The following LYRM1 variants were observed in gnomAD, a reference collection of about 807,000 sequenced individuals.
LYRM1 encodes the protein LYR motif-containing protein 1.
In LYRM1, 14 loss-of-function variants were observed where a neutral mutation model predicts 14.9. That is an observed-to-expected ratio of 0.94 (90% CI 0.62 to 1.47). LYRM1 has a LOEUF of 1.47. LYRM1 is among the 40% of genes most tolerant of loss of function. The probability of loss-of-function intolerance (pLI) is 0.00; values close to 1 mark genes in which losing one functional copy is unlikely to be tolerated. For missense variants in LYRM1, 153 were observed against 149.9 expected, an observed-to-expected ratio of 1.02 and a Z score of -0.11; for synonymous variants, 43 against 56.2, an observed-to-expected ratio of 0.77 and a Z score of 1.05.
chr16:20,907,888 C>T (rs879585851), intron 1 of LYRM1, among the ~76,000 whole-genome samples: 3 of 152,150 alleles, frequency 2.0e-5, no homozygotes, highest in Non-Finnish European at 4.4e-5. Context: ...TGTTCTTGTA[C>T]ATCATCTGCC....
chr16:20,915,723 G>A lies in LYRM1; in HGVS notation c.159+9G>A, dbSNP rs765242553. On this transcript the variant is annotated intron_variant, in intron 2 of 3. Coordinates refer to ENST00000567954, the MANE Select transcript of LYRM1 (RefSeq NM_001128302.3). ...TCCGGAAAAACAAAAATGTAAGTAG[G>A]CCCCACTTGGAGATTGTGCAGAGGA... The A allele has an allele frequency of 2.5e-6, 4 of 1,613,008 alleles. No homozygotes were observed. Among genetic ancestry groups the A allele is most frequent in the African/African-American group, 1.3e-5 (1 of 74,846 alleles).
intron 1 of LYRM1, among the ~76,000 whole-genome samples, chr16:20,914,311 C>A (rs1184239379): frequency 3.1e-4 from 39 of 124,728 alleles, no homozygotes; most frequent in African/African-American, 1.2e-3. Context: ...TTTTTGGAGA[C>A]GGAGTTTCAC....
At position 20,915,679 on chromosome 16, in the gene LYRM1, A is replaced by C; in HGVS notation, c.124A>C (p.Asn42His). ...CATCAAAGAAAAACAGTACATACTA[A>C]ATGAAGCCAGAACGCTGTTCCGGAA... ...DTIKEKQYIL[N>H]EARTLFRKNK... The change falls in exon 2 of 4, where the codon AAT becomes CAT. Residue 42 changes from asparagine to histidine, a missense_variant. Coordinates refer to ENST00000567954, the MANE Select transcript of LYRM1 (RefSeq NM_001128302.3). 6.2e-7 allele frequency: 1 copy of C among 1,614,150 alleles called. No homozygotes were observed. Among genetic ancestry groups the C allele is most frequent in the Non-Finnish European group, 8.5e-7 (1 of 1,179,992 alleles).
chr16:20,922,854 C>T (rs563689218), intron 3 of LYRM1, among the ~76,000 whole-genome samples: 12 of 152,136 alleles, frequency 7.9e-5, no homozygotes, highest in Admixed American at 4.6e-4. Context: ...TAGGATTTGC[C>T]GTCTGCAAGC....
intron 1 of LYRM1, among the ~76,000 whole-genome samples, chr16:20,902,254 C>T (rs79159478): frequency 0.02 from 3,103 of 152,196 alleles, 111 homozygotes; most frequent in African/African-American, 0.071. Flanking sequence ...TAACTCCCTA[C>T]GGGAAAACAG....
At chr16:20,906,279 G>C (rs951933536) in intron 1 of LYRM1, among the ~76,000 whole-genome samples, 1 of 152,216 alleles carries the variant, frequency 6.6e-6, no homozygotes, top group African/African-American at 2.4e-5. Context: ...GGTGGAAGCA[G>C]CAAATAGGCA....
At chr16:20,913,910 AC>A (rs1490900243) in intron 1 of LYRM1, among the ~76,000 whole-genome samples, 5 of 151,460 alleles carry the variant, frequency 3.3e-5, no homozygotes, top group African/African-American at 1.2e-4. Context: ...CCGGGTTCAT[AC>A]CATTCTCCTG....
chr16:20,920,656 G>T, intron 3 of LYRM1: 1 of 168,208 alleles, frequency 5.9e-6, no homozygotes, highest in Non-Finnish European at 1.3e-5. Flanking sequence ...GGGAGGCCAA[G>T]GCAGGAGGAT....
intron 1 of LYRM1, among the ~76,000 whole-genome samples, chr16:20,907,218 C>G (rs1567445591): frequency 6.6e-6 from 1 of 152,288 alleles, no homozygotes; most frequent in South Asian, 2.1e-4. Flanking sequence ...CCGTGTTACT[C>G]CAGCTTGCAT....
intron 3 of LYRM1, among the ~76,000 whole-genome samples, chr16:20,920,857 C>T (rs1376529509): frequency 6.6e-6 from 1 of 151,870 alleles, no homozygotes; most frequent in African/African-American, 2.4e-5. Flanking sequence ...CACTGCGCTC[C>T]AGCCTGGGTG....
At chr16:20,910,191 C>T (rs1326479846) in intron 1 of LYRM1, among the ~76,000 whole-genome samples, 1 of 152,138 alleles carries the variant, frequency 6.6e-6, no homozygotes, top group African/African-American at 2.4e-5. Flanking sequence ...AACATGGTTC[C>T]CTCAAAGACC....
chr16:20,905,957 C>T (rs2082299157), intron 1 of LYRM1, among the ~76,000 whole-genome samples: 2 of 152,310 alleles, frequency 1.3e-5, no homozygotes, highest in African/African-American at 4.8e-5. Context: ...AGGATGAGAA[C>T]ATACGTTATC....
Position 20,924,250 on chromosome 16 carries a change from G to A in LYRM1, c.*134G>A. On this transcript the variant is annotated 3_prime_UTR_variant, in exon 4 of 4. Transcript: ENST00000567954. The stretch of plus-strand genomic sequence containing the variant: ...AACCTCCACAATTGATTCTCCCCCT[G>A]TGATGTAAACTTAGATATCCCTAGA... 1 of 605,780 alleles carries A rather than the reference G, an allele frequency of 1.7e-6. No homozygotes were observed. Among genetic ancestry groups the A allele is most frequent in the Non-Finnish European group, 3.0e-6 (1 of 336,838 alleles). 37.5% of individuals were successfully genotyped at this position (605,780 alleles called of 1,614,324 possible). A position where few individuals can be genotyped will look rare whatever the true frequency, so the allele number is the denominator to read the frequency against.
chr16:20,920,473 TTTTCAC>T (rs1401097325), intron 3 of LYRM1: 3 of 413,758 alleles, frequency 7.3e-6, no homozygotes, highest in East Asian at 4.0e-5. Flanking sequence ...GCTTTTTCTC[TTTTCAC>T]TTTCATCTTT....
In LYRM1 at chr16:20,924,987, TAAAGAC is replaced by T. The variant is rs1019418587; in HGVS notation, c.*876_*881del. 6.6e-6 allele frequency: 1 copy of T among 152,124 alleles called. No individual in the cohort carries two copies. Among genetic ancestry groups the T allele is most frequent in the East Asian group, 1.9e-4 (1 of 5,196 alleles). 9.4% of individuals were successfully genotyped at this position (152,124 alleles called of 1,614,324 possible). ...CTCTGAAGAAGATGGGCATCAGAAA[TAAAGAC>T]AAAGCACTATCAATTTTTGTCTGTC... On this transcript the variant is annotated 3_prime_UTR_variant, in exon 4 of 4. Transcript: ENST00000567954.
intron 1 of LYRM1, among the ~76,000 whole-genome samples, chr16:20,903,304 A>G (rs2082157729): frequency 6.6e-6 from 1 of 152,202 alleles, no homozygotes; most frequent in African/African-American, 2.4e-5. Flanking sequence ...TGTCAGCCAG[A>G]GCTGAAGAGC....
Position 20,924,021 on chromosome 16 carries a change from C to G in LYRM1, c.274C>G (p.Leu92Val), listed in dbSNP as rs764569072. 1 of 1,609,796 alleles carries G rather than the reference C, an allele frequency of 6.2e-7. No homozygotes were observed. ...TCAGATTCATCTGCCTCCAATGGGC[C>G]TTACCCCACTCCGAGGCCGGGGACT... The part of the protein sequence containing the change: ...PRPIHLPPMG[L>V]TPLRGRGLRS... Residue 92 changes from leucine to valine, a missense_variant, in exon 4 of 4, where the codon CTT (leucine) becomes GTT (valine). By Grantham distance (32) the Leu-to-Val change is conservative. Transcript: ENST00000567954.
intron 3 of LYRM1, 91 bp downstream of exon 3, chr16:20,920,305 C>T: frequency 1.0e-6 from 1 of 952,548 alleles, no homozygotes; most frequent in Non-Finnish European, 1.7e-6. Context: ...CGAGTGCTTG[C>T]TGAGAAGCCC....
At chr16:20,923,111 T>A (rs1183105246) in intron 3 of LYRM1, among the ~76,000 whole-genome samples, 1 of 152,148 alleles carries the variant, frequency 6.6e-6, no homozygotes, top group Non-Finnish European at 1.5e-5. Flanking sequence ...AGTCCACTGA[T>A]TCAAATGCTA....
Sources: gnomAD v4.1 joint callset for allele counts (sites outside exome capture counted in the v4.1 genomes callset) on GRCh38, gnomAD v4.1.1 for gene constraint, MANE v1.5 for transcripts, NCBI Gene and HGNC (gene_info 2026-07-23, HGNC 2026-07-21) for gene names.